The following NOL9 variants were observed in gnomAD, a reference collection of about 807,000 sequenced individuals.
NOL9 encodes the protein polynucleotide 5'-hydroxyl-kinase NOL9.
Under a neutral mutation model 67.9 loss-of-function variants are expected in NOL9, and 28 were observed. The ratio of observed to expected loss-of-function variants is 0.41; its 90% CI spans 0.31 to 0.57. The LOEUF is 0.57. Among genes scored for constraint, NOL9 ranks in the 20% least tolerant of loss-of-function variants. The pLI, the probability that NOL9 is intolerant of heterozygous loss-of-function variation, is 0.25. For synonymous variants in NOL9, 356 were observed against 352.2 expected, an observed-to-expected ratio of 1.01 and a Z score of -0.12; for missense variants, 777 against 897.0, an observed-to-expected ratio of 0.87 and a Z score of 1.71.
intron 1 of NOL9, among the ~76,000 whole-genome samples, chr1:6,553,541 A>G (rs1172827458): frequency 6.8e-6 from 1 of 147,268 alleles, no homozygotes; most frequent in East Asian, 2.0e-4. Context: ...TTTTTTAACT[A>G]TTAAAATCCC....
Position 6,532,703 on chromosome 1 carries a change from A to G in NOL9, c.1295T>C (p.Val432Ala), listed in dbSNP as rs1557784580. 6.2e-7 allele frequency: 1 copy of G among 1,614,174 alleles called. No individual in the cohort carries two copies. The highest frequency in any genetic ancestry group is 8.5e-7 in the Non-Finnish European group (1 of 1,180,020). Residue 432 changes from valine (V) to alanine (A), a missense_variant, in exon 8 of 12, where the codon GTT becomes GCT. By Grantham distance (64) the Val-to-Ala change is moderately conservative. Around this residue, in one of 2 missense-constraint regions of NOL9, gnomAD observed 413 missense variants for 552.6 expected, o/e 0.75. Transcript: ENST00000377705. ...LIRLLSPSHV[V>A]QFRSDHSKYM... ...TTTACTGTGGTCAGAGCGGAACTGA[A>G]CCACGTGGCTGGGAGACAGCAATCG...
In NOL9 at chr1:6,534,034, T is replaced by C. The variant is rs558421360; in HGVS notation, c.1076-593A>G. On this transcript the variant is annotated intron_variant, in intron 6 of 11. Transcript: ENST00000377705. ...TCTCAAGTAGCTGGGATTACAGGCA[T>C]GTGCCACCATGCCCGGCTTATTTTG... Among the ~76,000 whole-genome samples, 28 of 152,178 alleles carry C rather than the reference T, an allele frequency of 1.8e-4. No individual in the cohort carries two copies. In the South Asian group the frequency reaches 5.6e-3, roughly 30 times the overall value.
At chr1:6,543,239 A>C (rs1639340263) in intron 5 of NOL9, among the ~76,000 whole-genome samples, 1 of 143,414 alleles carries the variant, frequency 7.0e-6, no homozygotes, top group Admixed American at 7.2e-5. Context: ...TCTGTCGCCC[A>C]CGCTGGAGTG....
chr1:6,541,395 T>C (rs1639287688), intron 6 of NOL9, among the ~76,000 whole-genome samples: 2 of 152,284 alleles, frequency 1.3e-5, no homozygotes, highest in South Asian at 4.1e-4. Context: ...TTGGCCAGGC[T>C]TGTCTCGAAC....
chr1:6,553,293 G>C (rs746680614), intron 1 of NOL9, among the ~76,000 whole-genome samples: 1 of 152,044 alleles, frequency 6.6e-6, no homozygotes, highest in Non-Finnish European at 1.5e-5. Context: ...TCCTGCATTA[G>C]ACAGGGAATC....
At chr1:6,542,028 T>C in intron 5 of NOL9, 101 bp from the exon 6 acceptor site, 1 of 647,740 alleles carries the variant, frequency 1.5e-6, no homozygotes, top group South Asian at 2.5e-5. Context: ...CACGCAGGCA[T>C]AATCCACCAC....
rs1638861687 is a variant in NOL9 at position 6,525,418 on chromosome 1, C to T, written c.*436G>A. On this transcript the variant is annotated 3_prime_UTR_variant, in exon 12 of 12. Transcript: ENST00000377705. ...CAGACCGCTGGACCCCAGCTCTGCACATGGCTCAGGCAAGGCCCGTGGCGA... is the reference window on the plus strand; with the variant it reads ...CAGACCGCTGGACCCCAGCTCTGCATATGGCTCAGGCAAGGCCCGTGGCGA... 5.2e-6 allele frequency: 1 copy of T among 190,740 alleles called. No individual in the cohort carries two copies. The highest frequency in any genetic ancestry group is 2.4e-5 in the African/African-American group (1 of 42,412). The allele number at this position is 190,740 out of a possible 1,614,324, so 11.8% of individuals were successfully genotyped here. A position where few individuals can be genotyped will look rare whatever the true frequency, so the allele number is the denominator to read the frequency against.
At position 6,533,417 on chromosome 1, in the gene NOL9, G is replaced by T; in HGVS notation, c.1100C>A (p.Thr367Asn). The T allele has an allele frequency of 1.9e-6, 3 of 1,602,708 alleles. No homozygotes were observed. The change falls in exon 7 of 12, where the codon ACT becomes AAT. Residue 367 changes from threonine (T) to asparagine (N), a missense_variant. Coordinates refer to ENST00000377705, the MANE Select transcript of NOL9 (RefSeq NM_024654.5). ...VLGPPFTHLRTPQKMVYYGKP... is the reference protein window; with the variant it reads ...VLGPPFTHLRNPQKMVYYGKP... ...CCCATAATATACCATCTTCTGTGGA[G>T]TCCTCAGGTGAGTGAAAGGTGGTCC...
At chr1:6,534,783 GTC>G (rs748313094) in intron 6 of NOL9, among the ~76,000 whole-genome samples, 11 of 152,016 alleles carry the variant, frequency 7.2e-5, no homozygotes, top group Admixed American at 1.3e-4. Flanking sequence ...ATGGCTCTCT[GTC>G]TCTCTCTCTT....
At chr1:6,528,913 A>G (rs1464241574) in intron 10 of NOL9, 81 bp downstream of exon 10, 1 of 1,389,754 alleles carries the variant, frequency 7.2e-7, no homozygotes, top group African/African-American at 1.4e-5. Flanking sequence ...ACACAGCTAC[A>G]AGGTCAAGAC....
intron 6 of NOL9, among the ~76,000 whole-genome samples, chr1:6,533,829 T>TAGC (rs1183194338): frequency 6.6e-6 from 1 of 151,742 alleles, no homozygotes; most frequent in African/African-American, 2.4e-5. Flanking sequence ...GTGTGTCTTA[T>TAGC]AGCAATACAG....
chr1:6,536,074 C>T (rs539901386), intron 6 of NOL9, among the ~76,000 whole-genome samples: 12 of 152,172 alleles, frequency 7.9e-5, no homozygotes, highest in African/African-American at 2.2e-4. Flanking sequence ...GGGCCGGGTG[C>T]GGTAGCTCAC....
Position 6,537,263 on chromosome 1 carries a change from T to A in NOL9, c.1076-3822A>T, listed in dbSNP as rs533110994. The stretch of plus-strand genomic sequence containing the variant: ...AATCAACTCAAAATGGAATAAAGAC[T>A]TAAGTATTAAGACCTGAAACTGTAA... On this transcript the variant is annotated intron_variant, in intron 6 of 11. Coordinates refer to ENST00000377705, the MANE Select transcript of NOL9 (RefSeq NM_024654.5). Among the ~76,000 whole-genome samples the A allele has an allele frequency of 2.0e-5, 3 of 151,800 alleles. No homozygotes were observed. The South Asian group carries it at 6.3e-4, about 32-fold the overall frequency.
At position 6,526,809 on chromosome 1, in the gene NOL9, T is replaced by C. The variant is rs145973170; in HGVS notation, c.1846A>G (p.Met616Val). Residue 616 changes from methionine to valine, a missense_variant, in exon 11 of 12, where the codon ATG becomes GTG. Met to Val is a conservative substitution (Grantham distance 21). Transcript: ENST00000377705. ...AGGATGTGGTACAGCCGCTTCTCCA[T>C]GTCAATGCCTCTACAGATGCCTTCA... The part of the protein sequence containing the change: ...LGFGICRGID[M>V]EKRLYHILTP... 1.3e-5 allele frequency: 21 copies of C among 1,611,496 alleles called. No individual in the cohort carries two copies. Among genetic ancestry groups the C allele is most frequent in the South Asian group, 8.8e-5 (8 of 90,842 alleles).
Position 6,525,715 on chromosome 1 carries a change from A to C in NOL9, c.*139T>G. ...GAGAAACTTAAGACTACTATATGAC[A>C]TTCACGAATTACACAAAAAACACTG... is the stretch of plus-strand genomic sequence containing the variant. On this transcript the variant is annotated 3_prime_UTR_variant, in exon 12 of 12. Coordinates refer to ENST00000377705, the MANE Select transcript of NOL9 (RefSeq NM_024654.5). The C allele has an allele frequency of 1.2e-6, 1 of 856,952 alleles. No homozygotes were observed. The highest frequency in any genetic ancestry group is 1.9e-6 in the Non-Finnish European group (1 of 534,362). 53.1% of individuals were successfully genotyped at this position (856,952 alleles called of 1,614,324 possible).
chr1:6,545,786 C>A (rs11122090), intron 3 of NOL9, among the ~76,000 whole-genome samples: 24,509 of 152,012 alleles, frequency 0.16, 2,410 homozygotes, highest in African/African-American at 0.28. Context: ...CAGTGGTGCA[C>A]GCCTGTAATC....
chr1:6,543,416 C>T (rs954940538), intron 5 of NOL9, among the ~76,000 whole-genome samples: 1 of 152,032 alleles, frequency 6.6e-6, no homozygotes, highest in African/African-American at 2.4e-5. Context: ...AGGATGGTCT[C>T]GATCTCCTGA....
At chr1:6,537,491 C>A (rs375676931) in intron 6 of NOL9, among the ~76,000 whole-genome samples, 1 of 152,060 alleles carries the variant, frequency 6.6e-6, no homozygotes, top group Non-Finnish European at 1.5e-5. Context: ...GAGTTAATAT[C>A]CAAAATATGT....
chr1:6,552,513 C>T (rs186225416), intron 1 of NOL9, among the ~76,000 whole-genome samples: 2 of 152,192 alleles, frequency 1.3e-5, no homozygotes, highest in Admixed American at 6.6e-5. Context: ...ACCTCCACCT[C>T]CCAGGTTAAA....
Sources: allele counts gnomAD v4.1 joint callset (sites outside exome capture counted in the v4.1 genomes callset), GRCh38; gene constraint gnomAD v4.1.1; regional missense constraint gnomAD v4.1.1; transcripts MANE v1.5; gene names NCBI Gene and HGNC (gene_info 2026-07-23, HGNC 2026-07-21).